The following SIN3A variants were observed in gnomAD, a reference collection of about 807,000 sequenced individuals.
SIN3A encodes the protein paired amphipathic helix protein Sin3a.
Under a neutral mutation model 146.1 loss-of-function variants are expected in SIN3A, and 14 were observed. The observed-to-expected ratio is 0.10, with a 90% CI of 0.06 to 0.15. The LOEUF (loss-of-function observed/expected upper bound fraction) is 0.15. Among genes scored for constraint, SIN3A ranks in the 10% least tolerant of loss-of-function variants. The pLI, the probability that SIN3A is intolerant of heterozygous loss-of-function variation, is 1.00. For synonymous variants in SIN3A, 572 were observed against 572.0 expected (o/e 1.00, Z 0.00); for missense variants, 1,028 against 1,576.0 (o/e 0.65, Z 5.89).
chr15:75,448,812 A>C (rs1399659000), intron 1 of SIN3A, among the ~76,000 whole-genome samples: 2 of 152,150 alleles, frequency 1.3e-5, no homozygotes, highest in African/African-American at 4.8e-5. Context: ...CTCCCACTGA[A>C]GATGTAAAAA....
chr15:75,384,495 A>G, intron 16 of SIN3A, 58 bp from the exon 17 acceptor site: 1 of 1,083,302 alleles, frequency 9.2e-7, no homozygotes, highest in Non-Finnish European at 1.2e-6. Context: ...TCCATTATAC[A>G]GTCAACGTTC....
intron 16 of SIN3A, among the ~76,000 whole-genome samples, chr15:75,386,283 C>G (rs1169031272): frequency 6.6e-6 from 1 of 152,252 alleles, no homozygotes. Context: ...CCGCCTTGGC[C>G]TCCCAAACTG....
rs752478066 is a variant in SIN3A, at chr15:75,380,714, C to T, written c.3298G>A (p.Asp1100Asn). ...DDPVEAERWS[D>N]YVERYMNSDT... ...GAATTCATGTATCGCTCCACGTAGT[C>T]TGACCAGCGCTAAGATGGCAAACAC... Residue 1100 changes from aspartate (D) to asparagine (N), a missense_variant, in exon 19 of 21, where the codon GAC becomes AAC. This residue lies in a region of SIN3A where 488 missense variants were observed against 690.2 expected (regional missense o/e 0.71). Transcript: ENST00000394947. 1.9e-6 allele frequency: 3 copies of T among 1,613,560 alleles called. No individual in the cohort carries two copies. Among genetic ancestry groups the T allele is most frequent in the South Asian group, 2.2e-5 (2 of 91,070 alleles).
chr15:75,434,951 GA>G (rs1245343947), intron 1 of SIN3A, among the ~76,000 whole-genome samples: 4 of 127,634 alleles, frequency 3.1e-5, no homozygotes, highest in Non-Finnish European at 3.4e-5. Context: ...TCCGCCTCAA[GA>G]AAAAAAAAAG....
intron 19 of SIN3A, among the ~76,000 whole-genome samples, chr15:75,379,226 AG>A (rs2072920938): frequency 6.6e-6 from 1 of 152,210 alleles, no homozygotes; most frequent in Non-Finnish European, 1.5e-5. Flanking sequence ...AATGAATTAA[AG>A]ATTGAAAACA....
At chr15:75,438,467 T>G (rs1409379655) in intron 1 of SIN3A, among the ~76,000 whole-genome samples, 4 of 152,064 alleles carry the variant, frequency 2.6e-5, no homozygotes, top group Non-Finnish European at 4.4e-5. Flanking sequence ...GAGGATTGCT[T>G]GAGGCCAGGA....
rs555423818 is a variant in SIN3A at position 75,384,312 on chromosome 15, C to G, written c.3147G>C (p.Thr1049=). The G allele has an allele frequency of 2.5e-6, 4 of 1,613,034 alleles. No homozygotes were observed. The highest frequency in any genetic ancestry group is 3.4e-6 in the Non-Finnish European group (4 of 1,179,476). ...TTAGCTGCTCAGCTTTCCGCTGATA[C>G]GTTGACTCCAGGAGGCTCCTTGAGT... is the stretch of plus-strand genomic sequence containing the variant. ...TQNSRSLLES[T]YQRKAEQLMS... is the part of the protein sequence containing the mutation. The change falls in exon 17 of 21, where the codon ACG becomes ACC. Residue 1049 remains threonine, a synonymous_variant. Transcript: ENST00000394947.
intron 1 of SIN3A, among the ~76,000 whole-genome samples, chr15:75,442,912 A>G (rs1430813640): frequency 3.3e-5 from 5 of 149,574 alleles, no homozygotes; most frequent in African/African-American, 1.0e-4. Context: ...AGCCTGGGCA[A>G]TAAGAGCAAA....
intron 1 of SIN3A, among the ~76,000 whole-genome samples, chr15:75,433,363 AT>A (rs927095490): frequency 1.3e-5 from 2 of 152,166 alleles, no homozygotes; most frequent in Non-Finnish European, 2.9e-5. Flanking sequence ...CTTTTCATAC[AT>A]TAAGTATTAC....
intron 20 of SIN3A, among the ~76,000 whole-genome samples, chr15:75,373,264 G>A (rs1209961495): frequency 6.6e-6 from 1 of 152,176 alleles, no homozygotes; most frequent in East Asian, 1.9e-4. Flanking sequence ...CGTAATCCCA[G>A]CTACTCGAGA....
At chr15:75,377,244 C>T (rs2072879165) in intron 19 of SIN3A, among the ~76,000 whole-genome samples, 1 of 152,170 alleles carries the variant, frequency 6.6e-6, no homozygotes, top group South Asian at 2.1e-4. Flanking sequence ...CATGATTTTG[C>T]ACCTTCATGC....
In SIN3A at chr15:75,410,032, G is replaced by A. The variant is rs756687381; in HGVS notation, c.1162-41C>T. ...GAATGAGATTAATGCTCTTATCAAA[G>A]CAAACAAATATCATCTAGGAAAAGT... On this transcript the variant is annotated intron_variant, in intron 7 of 20. Transcript: ENST00000394947. 38 of 1,609,480 alleles carry A rather than the reference G, an allele frequency of 2.4e-5. 1 individual carries two copies. The South Asian group carries it at 4.2e-4, about 18-fold the overall frequency.
At chr15:75,387,278 G>A (rs1371779765) in intron 16 of SIN3A, among the ~76,000 whole-genome samples, 4 of 152,044 alleles carry the variant, frequency 2.6e-5, no homozygotes, top group Admixed American at 1.3e-4. Flanking sequence ...TAATCGCAGC[G>A]CTTTGGGAGG....
chr15:75,422,952 C>T (rs777054959), intron 2 of SIN3A, 129 bp from the exon 3 acceptor site: 2 of 872,800 alleles, frequency 2.3e-6, no homozygotes, highest in Non-Finnish European at 3.5e-6. Flanking sequence ...GGCGTGATGG[C>T]TCACACCTAT....
At chr15:75,377,524 G>A (rs2072884748) in intron 19 of SIN3A, among the ~76,000 whole-genome samples, 1 of 151,726 alleles carries the variant, frequency 6.6e-6, no homozygotes, top group African/African-American at 2.4e-5. Context: ...ATTCGGGAGG[G>A]TGAGACAGGA....
At chr15:75,410,316 T>A in intron 6 of SIN3A, 30 bp from the exon 7 acceptor site, 1 of 1,608,062 alleles carries the variant, frequency 6.2e-7, no homozygotes, top group Admixed American at 1.7e-5. Flanking sequence ...AAGAGATCAT[T>A]TGGGCTACTG....
chr15:75,392,126 A>G (rs555492139), intron 15 of SIN3A, 116 bp downstream of exon 15: 1 of 939,690 alleles, frequency 1.1e-6, no homozygotes, highest in Non-Finnish European at 1.6e-6. Flanking sequence ...AGAGAGTTTA[A>G]CTACACAGAC....
intron 8 of SIN3A, among the ~76,000 whole-genome samples, chr15:75,408,766 C>T (rs2073568817): frequency 6.6e-6 from 1 of 152,212 alleles, no homozygotes; most frequent in African/African-American, 2.4e-5. Flanking sequence ...CAACAAAGAA[C>T]TTTGAGCAGG....
chr15:75,418,038 T>C (rs2073772622), intron 3 of SIN3A, among the ~76,000 whole-genome samples: 1 of 151,890 alleles, frequency 6.6e-6, no homozygotes, highest in African/African-American at 2.4e-5. Flanking sequence ...TTATTATTAT[T>C]ATTATTTTTT....
Sources: gnomAD v4.1 joint callset for allele counts (sites outside exome capture counted in the v4.1 genomes callset) on GRCh38, gnomAD v4.1.1 for gene constraint, gnomAD v4.1.1 regional missense constraint, MANE v1.5 for transcripts, NCBI Gene and HGNC (gene_info 2026-07-23, HGNC 2026-07-21) for gene names.